The following DENND1A variants were observed in gnomAD, a reference collection of about 807,000 sequenced individuals.
The protein encoded by DENND1A is DENN domain-containing protein 1A.
In DENND1A, 51 loss-of-function variants were observed where a neutral mutation model predicts 113.7. The ratio of observed to expected loss-of-function variants is 0.45; its 90% CI spans 0.36 to 0.57. The LOEUF (loss-of-function observed/expected upper bound fraction) is 0.57, where lower values mean the gene tolerates loss of function less well. Ranked by LOEUF, DENND1A falls within the 20% of genes least tolerant of loss-of-function variation. The pLI, the probability that DENND1A is intolerant of heterozygous loss-of-function variation, is 0.00. For synonymous variants in DENND1A, 565 were observed against 570.8 expected, an observed-to-expected ratio of 0.99 and a Z score of 0.14; for missense variants, 1,258 against 1,395.9, an observed-to-expected ratio of 0.90 and a Z score of 1.57.
At chr9:123,634,538 C>A (rs1339710017) in intron 9 of DENND1A, among the ~76,000 whole-genome samples, 1 of 152,086 alleles carries the variant, frequency 6.6e-6, no homozygotes, top group African/African-American at 2.4e-5. Flanking sequence ...AAATAAAAGT[C>A]CTAAAGGCCT....
At chr9:123,423,604 C>A (rs2045486327) in intron 19 of DENND1A, among the ~76,000 whole-genome samples, 1 of 152,200 alleles carries the variant, frequency 6.6e-6, no homozygotes, top group African/African-American at 2.4e-5. Context: ...AAGCTGATCA[C>A]TTGGCAGGCC....
chr9:123,669,016 C>G (rs2063628867), intron 7 of DENND1A, among the ~76,000 whole-genome samples: 1 of 152,148 alleles, frequency 6.6e-6, no homozygotes, highest in African/African-American at 2.4e-5. Flanking sequence ...AAATGGGAAT[C>G]ATATTATCTA....
At chr9:123,414,541 C>A (rs1437371160) in intron 19 of DENND1A, 13 of 1,549,650 alleles carry the variant, frequency 8.4e-6, no homozygotes, top group African/African-American at 1.4e-5. Context: ...CCAGGCAAAT[C>A]TGAGAAATGC....
chr9:123,903,360 T>TAAAAAAAG (rs1852079085), intron 1 of DENND1A, among the ~76,000 whole-genome samples: 1 of 90,080 alleles, frequency 1.1e-5, no homozygotes, highest in Non-Finnish European at 2.2e-5. Flanking sequence ...AAAAAAAAAC[T>TAAAAAAAG]GGAAAAAAAG....
chr9:123,686,525 C>T (rs934450268), intron 5 of DENND1A, among the ~76,000 whole-genome samples: 3 of 152,194 alleles, frequency 2.0e-5, no homozygotes, highest in Non-Finnish European at 4.4e-5. Context: ...AACAATTCAG[C>T]GTGTTTTCTT....
intron 5 of DENND1A, among the ~76,000 whole-genome samples, chr9:123,691,912 T>C (rs912812695): frequency 2.0e-4 from 31 of 152,176 alleles, no homozygotes; most frequent in Admixed American, 2.0e-4. Context: ...AGAAGAGAGC[T>C]AACAAAGGAG....
chr9:123,462,678 C>T (rs1400346016), intron 13 of DENND1A, among the ~76,000 whole-genome samples: 1 of 152,050 alleles, frequency 6.6e-6, no homozygotes, highest in Non-Finnish European at 1.5e-5. Flanking sequence ...ACGCCTGTAA[C>T]CCCAGCTACT....
At position 123,630,437 on chromosome 9, in the gene DENND1A, G is replaced by C; in HGVS notation, c.658C>G (p.Pro220Ala). The C allele has an allele frequency of 6.2e-7, 1 of 1,603,938 alleles. No individual in the cohort carries two copies. The highest frequency in any genetic ancestry group is 1.3e-5 in the African/African-American group (1 of 74,898). ...ATGTACACGTGCTGCCAGTACATGG[G>C]GTAGAGCATCGCCGCAGACCCGTGG... ...CIHGSAAMLY[P>A]MYWQHVYIPV... The change falls in exon 10 of 24, where the codon CCC becomes GCC. Residue 220 changes from proline to alanine, a missense_variant. Coordinates refer to ENST00000394215, the MANE Select transcript of DENND1A (RefSeq NM_001352964.2).
At position 123,507,683 on chromosome 9, in the gene DENND1A, C is replaced by CT. The variant is rs202152285; in HGVS notation, c.994-49787dup. 6.8e-3 allele frequency among the ~76,000 whole-genome samples: 971 copies of CT among 141,812 alleles called. 9 individuals carry two copies. The highest frequency in any genetic ancestry group is 0.025 in the African/African-American group (868 of 35,112). 93.0% of individuals were successfully genotyped at this position (141,812 alleles called of 152,430 possible). A position where few individuals can be genotyped will look rare whatever the true frequency, so the allele number is the denominator to read the frequency against. On this transcript the variant is annotated intron_variant, in intron 13 of 23. Transcript: ENST00000394215. ...GGGCAACATAGCGGGACCCTCATCT[C>CT]TTAAAAAAAAAAAAAAAGAAAATTA...
intron 2 of DENND1A, among the ~76,000 whole-genome samples, chr9:123,823,434 G>A (rs538160867): frequency 8.5e-5 from 13 of 152,126 alleles, no homozygotes; most frequent in Non-Finnish European, 1.9e-4. Flanking sequence ...CCAATATGTT[G>A]ATCACTGAGC....
At chr9:123,526,719 T>C (rs1359964763) in intron 13 of DENND1A, among the ~76,000 whole-genome samples, 1 of 152,238 alleles carries the variant, frequency 6.6e-6, no homozygotes, top group East Asian at 1.9e-4. Flanking sequence ...TTATCCTGGA[T>C]TTATCCTCAC....
intron 9 of DENND1A, among the ~76,000 whole-genome samples, chr9:123,649,647 T>C (rs2062538113): frequency 6.6e-6 from 1 of 152,186 alleles, no homozygotes; most frequent in Admixed American, 6.5e-5. Flanking sequence ...TCTTCGGGAG[T>C]CAACTTTGCT....
At position 123,579,953 on chromosome 9, in the gene DENND1A, A is replaced by T. The variant is rs147757599; in HGVS notation, c.867+3216T>A. On this transcript the variant is annotated intron_variant, in intron 12 of 23. Transcript: ENST00000394215. Reference sequence around the variant, plus strand: ...GTAGAACATTCTCAACCCTGTTACAAACCAGCTTGCATATAGGAGGTCCCA... The same window carrying T: ...GTAGAACATTCTCAACCCTGTTACATACCAGCTTGCATATAGGAGGTCCCA... Among the ~76,000 whole-genome samples, 764 of 152,306 alleles carry T rather than the reference A, an allele frequency of 5.0e-3. 2 individuals carry two copies. Among genetic ancestry groups the T allele is most frequent in the Non-Finnish European group, 8.1e-3 (553 of 68,030 alleles).
intron 1 of DENND1A, among the ~76,000 whole-genome samples, chr9:123,888,590 C>T (rs1485616028): frequency 6.6e-6 from 1 of 152,116 alleles, no homozygotes; most frequent in Admixed American, 6.5e-5. Flanking sequence ...GTCGGAGATG[C>T]TACACCTGAA....
At chr9:123,689,415 C>T (rs1306736787) in intron 5 of DENND1A, among the ~76,000 whole-genome samples, 5 of 152,166 alleles carry the variant, frequency 3.3e-5, no homozygotes, top group African/African-American at 7.2e-5. Context: ...AAAATTAAAA[C>T]GAAGGGCAGA....
intron 11 of DENND1A, among the ~76,000 whole-genome samples, chr9:123,590,876 G>A (rs1181475725): frequency 6.6e-6 from 1 of 152,168 alleles, no homozygotes; most frequent in Non-Finnish European, 1.5e-5. Context: ...AACCATACAA[G>A]GTAAGAGTGT....
At chr9:123,514,082 GTGTGTGTGTGTGTGTATGTGTGTGTGTC>G (rs1026863401) in intron 13 of DENND1A, among the ~76,000 whole-genome samples, 20 of 68,670 alleles carry the variant, frequency 2.9e-4, no homozygotes, top group South Asian at 6.3e-4. Flanking sequence ...GTGTGTGTGT[GTGTGTGTGTGTGTGTATGTGTGTGTGTC>G]TGTGTGTGTG....
chr9:123,915,426 G>A (rs779452126), intron 1 of DENND1A, among the ~76,000 whole-genome samples: 13 of 152,032 alleles, frequency 8.6e-5, no homozygotes, highest in Non-Finnish European at 1.6e-4. Context: ...ACCACATAAT[G>A]TTAAAGCATA....
intron 2 of DENND1A, among the ~76,000 whole-genome samples, chr9:123,844,387 CA>C: frequency 6.6e-6 from 1 of 152,104 alleles, no homozygotes; most frequent in Non-Finnish European, 1.5e-5. Flanking sequence ...GATAATAGAT[CA>C]ATATTTTTAA....
Sources: gnomAD v4.1 joint callset for allele counts (sites outside exome capture counted in the v4.1 genomes callset) on GRCh38, gnomAD v4.1.1 for gene constraint, MANE v1.5 for transcripts, NCBI Gene and HGNC (gene_info 2026-07-23, HGNC 2026-07-21) for gene names.